LRBA: variants seen among roughly 807,000 people sequenced by gnomAD.
The protein encoded by LRBA is LPS responsive beige-like anchor protein, also known as lipopolysaccharide-responsive and beige-like anchor protein.
A neutral mutation model predicts 330.0 loss-of-function variants in LRBA; 176 were observed. That is an observed-to-expected ratio of 0.53 (90% CI 0.47 to 0.60). The LOEUF (loss-of-function observed/expected upper bound fraction) is 0.60, where lower values mean the gene tolerates loss of function less well. Among genes scored for constraint, LRBA ranks in the 20% least tolerant of loss-of-function variants. LRBA has a pLI of 0.00. For synonymous variants in LRBA, 1,230 were observed against 1,193.0 expected (o/e 1.03, Z -0.64); for missense variants, 3,259 against 3,444.8 (o/e 0.95, Z 1.35).
At chr4:150,293,906 C>T (rs893323542) in intron 53 of LRBA, among the ~76,000 whole-genome samples, 8 of 152,176 alleles carry the variant, frequency 5.3e-5, no homozygotes, top group African/African-American at 7.2e-5. Flanking sequence ...TTTCTCCTTA[C>T]GATTTTCTTA....
intron 47 of LRBA, among the ~76,000 whole-genome samples, chr4:150,384,032 T>TTTTA (rs372686839): frequency 0.025 from 3,822 of 151,820 alleles, 58 homozygotes; most frequent in Middle Eastern, 0.068. Flanking sequence ...TATTTTTATT[T>TTTTA]TTTATTTATT....
intron 33 of LRBA, among the ~76,000 whole-genome samples, chr4:150,800,521 CAT>C (rs1741451549): frequency 6.6e-6 from 1 of 152,170 alleles, no homozygotes; most frequent in Non-Finnish European, 1.5e-5. Context: ...ACACTCATCA[CAT>C]GTGCAAAAAA....
At chr4:150,282,857 C>T (rs945990174) in intron 54 of LRBA, among the ~76,000 whole-genome samples, 1 of 152,154 alleles carries the variant, frequency 6.6e-6, no homozygotes, top group Non-Finnish European at 1.5e-5. Context: ...GGAGAGAAGC[C>T]AAACCATGTA....
intron 42 of LRBA, 148 bp from the exon 43 acceptor site, chr4:150,471,887 C>T (rs1034082460): frequency 5.0e-5 from 29 of 579,072 alleles, no homozygotes; most frequent in Non-Finnish European, 8.1e-5. Flanking sequence ...TTTCAATCTA[C>T]AATTCATGGT....
At chr4:150,717,343 G>GA (rs1483223763) in intron 36 of LRBA, among the ~76,000 whole-genome samples, 5 of 151,846 alleles carry the variant, frequency 3.3e-5, no homozygotes, top group Admixed American at 2.0e-4. Context: ...TTGCTAATTG[G>GA]AAAAAAATCT....
intron 40 of LRBA, among the ~76,000 whole-genome samples, chr4:150,506,014 A>G (rs1273637005): frequency 2.0e-5 from 3 of 152,238 alleles, no homozygotes; most frequent in African/African-American, 7.2e-5. Context: ...ACATCCTCCC[A>G]AGATTAAACC....
chr4:150,535,349 G>A (rs535011109), intron 40 of LRBA, among the ~76,000 whole-genome samples: 1 of 152,160 alleles, frequency 6.6e-6, no homozygotes, highest in East Asian at 1.9e-4. Context: ...TGTTGCCTAG[G>A]CTGGTCCCTA....
At chr4:150,945,387 T>C (rs947710405) in intron 2 of LRBA, among the ~76,000 whole-genome samples, 2 of 152,216 alleles carry the variant, frequency 1.3e-5, no homozygotes, top group African/African-American at 4.8e-5. Flanking sequence ...TTAAAAAGAA[T>C]ATAAATCAAT....
intron 40 of LRBA, among the ~76,000 whole-genome samples, chr4:150,547,297 A>C (rs1337029577): frequency 6.6e-6 from 1 of 152,154 alleles, no homozygotes; most frequent in Non-Finnish European, 1.5e-5. Context: ...CCACACAAAA[A>C]GGAAAAAAGA....
At position 151,003,045 on chromosome 4, in the gene LRBA, C is replaced by CGTGTGT. The variant is rs35823392; in HGVS notation, c.216+11376_216+11381dup. On this transcript the variant is annotated intron_variant, in intron 2 of 56. Coordinates refer to ENST00000651943, the MANE Select transcript of LRBA (RefSeq NM_001364905.1). ...AAATATGTGTGTGTGTATGTGTTTG[C>CGTGTGT]GTGTGTGTGTGTGTGTGTGTGTGTG... 5.9e-3 allele frequency among the ~76,000 whole-genome samples: 876 copies of CGTGTGT among 147,300 alleles called. 10 individuals are homozygous for CGTGTGT. Among genetic ancestry groups the CGTGTGT allele is most frequent in the African/African-American group, 0.02 (801 of 39,744 alleles).
intron 55 of LRBA, among the ~76,000 whole-genome samples, chr4:150,282,190 CA>C (rs1747618575): frequency 6.6e-6 from 1 of 152,212 alleles, no homozygotes; most frequent in South Asian, 2.1e-4. Flanking sequence ...AGGATGGCTT[CA>C]GAAGCCCCTA....
chr4:150,727,529 A>G (rs1284198276), intron 36 of LRBA, among the ~76,000 whole-genome samples: 1 of 152,230 alleles, frequency 6.6e-6, no homozygotes, highest in African/African-American at 2.4e-5. Context: ...TCTGACCACA[A>G]TGAAATATAA....
intron 40 of LRBA, among the ~76,000 whole-genome samples, chr4:150,571,031 A>C (rs1275645827): frequency 1.3e-5 from 2 of 152,148 alleles, no homozygotes. Context: ...ACTTGCTCCA[A>C]GAAAGACATT....
At chr4:150,991,494 A>G (rs916730567) in intron 2 of LRBA, among the ~76,000 whole-genome samples, 5 of 152,244 alleles carry the variant, frequency 3.3e-5, no homozygotes, top group Non-Finnish European at 5.9e-5. Flanking sequence ...AGAAACAAGC[A>G]ACTTAATTAT....
intron 33 of LRBA, among the ~76,000 whole-genome samples, chr4:150,805,143 A>C (rs1380650512): frequency 6.6e-6 from 1 of 150,386 alleles, no homozygotes; most frequent in Non-Finnish European, 1.5e-5. Context: ...GAAGGCACTC[A>C]CTACATGGCA....
Position 150,817,175 on chromosome 4 carries a change from C to G in LRBA, c.5254G>C (p.Val1752Leu), listed in dbSNP as rs1305161118. 6.2e-7 allele frequency: 1 copy of G among 1,612,100 alleles called. No individual in the cohort carries two copies. The highest frequency in any genetic ancestry group is 2.2e-5 in the East Asian group (1 of 44,806). ...GCTTGGGCTGAATCTACTGAGGAAA[C>G]CACACTGACAGCATTGGTAGGTATG... ...TSIPTNAVSV[V>L]SSVDSAQASD... Residue 1752 changes from valine to leucine, a missense_variant, in exon 31 of 57, where the codon GTT becomes CTT. By Grantham distance (32) the Val-to-Leu change is conservative. Coordinates refer to ENST00000651943, the MANE Select transcript of LRBA (RefSeq NM_001364905.1).
chr4:150,400,539 A>G (rs1745324645), intron 47 of LRBA, among the ~76,000 whole-genome samples: 1 of 152,222 alleles, frequency 6.6e-6, no homozygotes, highest in Admixed American at 6.5e-5. Context: ...ACAAGAGGAT[A>G]TCATAAAAAG....
chr4:150,720,446 T>C (rs551255324), intron 36 of LRBA, among the ~76,000 whole-genome samples: 1 of 151,690 alleles, frequency 6.6e-6, no homozygotes, highest in South Asian at 2.1e-4. Flanking sequence ...ATAAACAAAA[T>C]TAGGAACAAA....
intron 34 of LRBA, among the ~76,000 whole-genome samples, chr4:150,762,415 C>G (rs532849837): frequency 6.6e-6 from 1 of 151,666 alleles, no homozygotes; most frequent in Non-Finnish European, 1.5e-5. Context: ...TATTCTTGAT[C>G]CATTTGAAAT....
Sources: gnomAD v4.1 joint callset for allele counts (sites outside exome capture counted in the v4.1 genomes callset) on GRCh38, gnomAD v4.1.1 for gene constraint, MANE v1.5 for transcripts, NCBI Gene and HGNC (gene_info 2026-07-23, HGNC 2026-07-21) for gene names.